Variants in MBD2 observed in about 807,000 individuals in gnomAD.
MBD2 encodes methyl-CpG-binding domain protein 2.
A neutral mutation model predicts 39.3 loss-of-function variants in MBD2; 9 were observed. The observed-to-expected ratio is 0.23, with a 90% CI of 0.14 to 0.40. The LOEUF is 0.40. Ranked by LOEUF, MBD2 falls within the 10% of genes least tolerant of loss-of-function variation. The pLI is 1.00. For synonymous variants in MBD2, 233 were observed against 211.1 expected (o/e 1.10, Z -0.90); for missense variants, 458 against 532.6 (o/e 0.86, Z 1.38).
chr18:54,221,419 C>T (rs2086611245), intron 1 of MBD2, among the ~76,000 whole-genome samples: 1 of 148,752 alleles, frequency 6.7e-6, no homozygotes, highest in Admixed American at 6.8e-5. Context: ...GATCACACCA[C>T]TGCACTCCAG....
chr18:54,174,448 C>G (rs554235199), intron 3 of MBD2, among the ~76,000 whole-genome samples: 1 of 152,286 alleles, frequency 6.6e-6, no homozygotes, highest in Admixed American at 6.5e-5. Flanking sequence ...TCTCCCAGCT[C>G]CTCATTCATG....
chr18:54,222,244 CT>C lies in MBD2; in HGVS notation c.542+1773del, dbSNP rs557392755. 4 of 414,904 alleles carry C rather than the reference CT, an allele frequency of 9.6e-6. No individual in the cohort carries two copies. In the Admixed American group the frequency reaches 1.1e-4, roughly 12 times the overall value. The allele number at this position is 414,904 out of a possible 1,614,324, so 25.7% of individuals were successfully genotyped here. ...AACTAATGAACTTGAGAAAACTAAT[CT>C]TTTTTTAACCACAATAACCTTTTTT... On this transcript the variant is annotated intron_variant, in intron 1 of 6. Coordinates refer to ENST00000256429, the MANE Select transcript of MBD2 (RefSeq NM_003927.5).
intron 5 of MBD2, among the ~76,000 whole-genome samples, chr18:54,164,137 C>T (rs1451494199): frequency 6.6e-6 from 1 of 152,158 alleles, no homozygotes; most frequent in East Asian, 1.9e-4. Flanking sequence ...CCTCCCACCT[C>T]GGCCTCCCAA....
chr18:54,203,005 AG>A (rs1263268273), intron 2 of MBD2: 3 of 1,084,462 alleles, frequency 2.8e-6, no homozygotes, highest in South Asian at 2.5e-5. Context: ...ATGAAGGGGA[AG>A]GGGGTAAGCA....
At chr18:54,187,682 C>T (rs542371319) in intron 3 of MBD2, 36 of 985,782 alleles carry the variant, frequency 3.7e-5, no homozygotes, top group Admixed American at 6.1e-5. Context: ...CATGCAGGTA[C>T]GCATCTTTTA....
intron 1 of MBD2, chr18:54,222,381 A>G (rs1314851259): frequency 1.9e-6 from 1 of 518,518 alleles, no homozygotes; most frequent in Non-Finnish European, 3.9e-6. Flanking sequence ...TCCTGGCCCC[A>G]CAGCCTGAGG....
intron 1 of MBD2, among the ~76,000 whole-genome samples, chr18:54,213,169 G>A (rs556189988): frequency 1.3e-5 from 2 of 152,004 alleles, no homozygotes; most frequent in Non-Finnish European, 1.5e-5. Context: ...TCTATTTCAC[G>A]GATCCCTAAG....
chr18:54,201,079 C>CAA (rs11293678), intron 2 of MBD2, among the ~76,000 whole-genome samples: 16 of 95,106 alleles, frequency 1.7e-4, no homozygotes, highest in Non-Finnish European at 2.2e-4. Flanking sequence ...GACCCCGTCT[C>CAA]AAAAAAAAAA....
intron 5 of MBD2, among the ~76,000 whole-genome samples, chr18:54,164,081 T>C (rs939704241): frequency 6.6e-6 from 1 of 152,148 alleles, no homozygotes; most frequent in Non-Finnish European, 1.5e-5. Flanking sequence ...AGATGGGGTC[T>C]CACTGTGTTG....
At chr18:54,174,607 TAGTC>T (rs1160570838) in intron 3 of MBD2, among the ~76,000 whole-genome samples, 1 of 152,226 alleles carries the variant, frequency 6.6e-6, no homozygotes, top group Non-Finnish European at 1.5e-5. Flanking sequence ...AGAAAGTTGA[TAGTC>T]AATGTATTTG....
intron 2 of MBD2, among the ~76,000 whole-genome samples, chr18:54,194,742 T>C (rs557859390): frequency 6.6e-6 from 1 of 152,196 alleles, no homozygotes; most frequent in Admixed American, 6.5e-5. Flanking sequence ...ATGAATTTTA[T>C]TCCACGCCAT....
intron 1 of MBD2, among the ~76,000 whole-genome samples, chr18:54,219,551 A>C (rs1040932738): frequency 6.6e-6 from 1 of 152,230 alleles, no homozygotes; most frequent in African/African-American, 2.4e-5. Context: ...ACAATATCAG[A>C]AAAGGCTTTT....
Position 54,166,078 on chromosome 18 carries a change from T to G in MBD2, c.929A>C (p.Gln310Pro). The G allele has an allele frequency of 6.2e-7, 1 of 1,606,526 alleles. No homozygotes were observed. The highest frequency in any genetic ancestry group is 8.5e-7 in the Non-Finnish European group (1 of 1,173,308). ...IKTMELPKGL[Q>P]GVGPGSNDET... ...GCTCAACTGAACTTAGATAATACCT[T>G]GAAGACCTTTGGGTAGTTCCATGGT... Residue 310 changes from glutamine (Q) to proline (P), a missense_variant and splice_region_variant, in exon 4 of 7, where the codon CAA (glutamine) becomes CCA (proline). Physicochemically the swap from Gln to Pro is moderately conservative, Grantham distance 76. Coordinates refer to ENST00000256429, the MANE Select transcript of MBD2 (RefSeq NM_003927.5).
chr18:54,160,003 C>T (rs1308416120), intron 5 of MBD2, 100 bp from the exon 6 acceptor site: 1 of 1,337,486 alleles, frequency 7.5e-7, no homozygotes, highest in African/African-American at 1.5e-5. Flanking sequence ...AATTAAATTC[C>T]TAAGAAGAAT....
At chr18:54,172,648 T>A (rs959545421) in intron 3 of MBD2, among the ~76,000 whole-genome samples, 1 of 152,048 alleles carries the variant, frequency 6.6e-6, no homozygotes, top group South Asian at 2.1e-4. Flanking sequence ...AAAAAAAAAA[T>A]TCACTAGACA....
At chr18:54,210,134 T>A (rs897538271) in intron 1 of MBD2, among the ~76,000 whole-genome samples, 7 of 152,186 alleles carry the variant, frequency 4.6e-5, no homozygotes, top group Middle Eastern at 3.4e-3. Flanking sequence ...GATATGCCAT[T>A]CCTGAACCAA....
At chr18:54,191,855 C>T (rs1450952010) in intron 2 of MBD2, among the ~76,000 whole-genome samples, 1 of 152,150 alleles carries the variant, frequency 6.6e-6, no homozygotes, top group Non-Finnish European at 1.5e-5. Flanking sequence ...AAGATATGCT[C>T]ATCTCAAATG....
At chr18:54,191,981 T>A (rs1366121740) in intron 2 of MBD2, among the ~76,000 whole-genome samples, 2 of 152,240 alleles carry the variant, frequency 1.3e-5, no homozygotes, top group African/African-American at 4.8e-5. Flanking sequence ...TTGCTAACTC[T>A]ACGAAGTGTG....
intron 6 of MBD2, among the ~76,000 whole-genome samples, 186 bp downstream of exon 6, chr18:54,159,579 A>G (rs1334811436): frequency 1.3e-5 from 2 of 151,908 alleles, no homozygotes; most frequent in African/African-American, 4.8e-5. Flanking sequence ...CACCACACCC[A>G]GTTAATTTTT....
Sources: allele counts gnomAD v4.1 joint callset (sites outside exome capture counted in the v4.1 genomes callset), GRCh38; gene constraint gnomAD v4.1.1; transcripts MANE v1.5; gene names NCBI Gene and HGNC (gene_info 2026-07-23, HGNC 2026-07-21).